Variants in ERLIN2 observed in about 807,000 individuals in gnomAD.
The protein encoded by ERLIN2 is erlin-2.
In ERLIN2, 22 loss-of-function variants were observed where a neutral mutation model predicts 41.5. That is an observed-to-expected ratio of 0.53 (90% CI 0.38 to 0.76). ERLIN2 has a LOEUF of 0.76. ERLIN2 is among the 30% of genes least tolerant of loss of function. ERLIN2 has a pLI of 0.00. For missense variants in ERLIN2, 247 were observed against 414.3 expected (o/e 0.60, Z 3.51); for synonymous variants, 149 against 150.9 (o/e 0.99, Z 0.09).
intron 6 of ERLIN2, among the ~76,000 whole-genome samples, chr8:37,748,195 T>C (rs1046301151): frequency 6.6e-6 from 1 of 152,266 alleles, no homozygotes; most frequent in Non-Finnish European, 1.5e-5. Flanking sequence ...CTTTCACATT[T>C]TTCCGGTAAG....
chr8:37,750,222 G>A (rs1353267423), intron 8 of ERLIN2, 173 bp from the exon 9 acceptor site: 7 of 658,848 alleles, frequency 1.1e-5, no homozygotes, highest in Admixed American at 2.4e-5. Context: ...GGGAGGAGAA[G>A]AGCTATGTTA....
chr8:37,737,647 CG>C (rs1802698038), intron 1 of ERLIN2: 6 of 475,132 alleles, frequency 1.3e-5, no homozygotes, highest in Non-Finnish European at 2.3e-5. Context: ...CCAGCTGGCA[CG>C]GGTTCTCCCT....
chr8:37,750,157 G>T, intron 8 of ERLIN2: 1 of 620,504 alleles, frequency 1.6e-6, no homozygotes, highest in Non-Finnish European at 2.9e-6. Context: ...CCAGTAAGTG[G>T]ACAGGCAGGT....
chr8:37,752,859 C>A (rs756151399), intron 10 of ERLIN2, among the ~76,000 whole-genome samples: 1 of 152,190 alleles, frequency 6.6e-6, no homozygotes, highest in Non-Finnish European at 1.5e-5. Context: ...CTCAGAATCG[C>A]GCCAGCTTAA....
intron 4 of ERLIN2, among the ~76,000 whole-genome samples, chr8:37,742,932 A>C (rs1802904805): frequency 6.6e-6 from 1 of 152,218 alleles, no homozygotes. Context: ...ACTAAAGAGA[A>C]TGTCATAAAG....
intron 8 of ERLIN2, 158 bp from the exon 9 acceptor site, chr8:37,750,237 C>T: frequency 1.5e-6 from 1 of 687,948 alleles, no homozygotes; most frequent in East Asian, 2.7e-5. Context: ...ATGTTACTGT[C>T]AACAACAGAT....
intron 2 of ERLIN2, among the ~76,000 whole-genome samples, chr8:37,738,627 C>T (rs1196263001): frequency 6.6e-6 from 1 of 152,114 alleles, no homozygotes; most frequent in Non-Finnish European, 1.5e-5. Context: ...GTCACACACA[C>T]GTAGTCCTAG....
At position 37,756,375 on chromosome 8, in the gene ERLIN2, T is replaced by G. The variant is rs1256970047; in HGVS notation, c.*2260T>G. The G allele has an allele frequency of 6.6e-6, 1 of 152,346 alleles. No homozygotes were observed. The highest frequency in any genetic ancestry group is 2.4e-5 in the African/African-American group (1 of 41,424). The allele number at this position is 152,346 out of a possible 1,614,324, so 9.4% of individuals were successfully genotyped here. ...TTGCCTAGACCTCAGAAAACACCAA[T>G]TCACCACAGTAGAACCGGGAGCAGG... On this transcript the variant is annotated 3_prime_UTR_variant, in exon 12 of 12. Transcript: ENST00000519638.
Position 37,736,979 on chromosome 8 carries a change from C to G in ERLIN2, c.-16+301C>G, listed in dbSNP as rs370322371. On this transcript the variant is annotated intron_variant, in intron 1 of 11. Coordinates refer to ENST00000519638, the MANE Select transcript of ERLIN2 (RefSeq NM_007175.8). ...AGGGCACTGGCAGGAAAGGACGCAA[C>G]TGCAGATCGGTAGCCGGAGGCCGCC... 5.6e-5 allele frequency: 55 copies of G among 985,954 alleles called. No homozygotes were observed. In the African/African-American group the frequency reaches 8.9e-4, roughly 16 times the overall value. 61.1% of individuals were successfully genotyped at this position (985,954 alleles called of 1,614,324 possible).
At chr8:37,751,522 C>A in intron 9 of ERLIN2, 104 bp from the exon 10 acceptor site, 2 of 904,130 alleles carry the variant, frequency 2.2e-6, no homozygotes, top group Middle Eastern at 2.2e-4. Flanking sequence ...CCTCTGGGGG[C>A]TCTCCAGACA....
intron 9 of ERLIN2, among the ~76,000 whole-genome samples, chr8:37,750,805 C>T (rs1340195154): frequency 6.6e-6 from 1 of 152,090 alleles, no homozygotes; most frequent in African/African-American, 2.4e-5. Context: ...CTTACTGCAG[C>T]CTCTGCCTCA....
chr8:37,748,926 CAAAG>C (rs1393042334), intron 6 of ERLIN2, among the ~76,000 whole-genome samples: 1 of 152,142 alleles, frequency 6.6e-6, no homozygotes, highest in Non-Finnish European at 1.5e-5. Flanking sequence ...GGATTCCAGA[CAAAG>C]AAATCAGGAC....
Position 37,747,482 on chromosome 8 carries a change from C to A in ERLIN2, c.425-2077C>A, listed in dbSNP as rs530903533. The A allele has an allele frequency of 5.2e-5, 84 of 1,612,184 alleles. No individual in the cohort carries two copies. The African/African-American group carries it at 1.0e-3, about 20-fold the overall frequency. On this transcript the variant is annotated intron_variant, in intron 6 of 11. Transcript: ENST00000519638. ...TTGGCATTCTGTGCATACGAGTCAG[C>A]AACTTCCCTAGCCTCAATCTCCTCT...
rs1169550964 is a variant in ERLIN2, at chr8:37,741,833, A to G, written c.236+15A>G. 7 of 1,607,506 alleles carry G rather than the reference A, an allele frequency of 4.4e-6. No homozygotes were observed. Among genetic ancestry groups the G allele is most frequent in the Non-Finnish European group, 6.0e-6 (7 of 1,174,064 alleles). On this transcript the variant is annotated intron_variant, in intron 4 of 11. Transcript: ENST00000519638. This position sits in a 1 kb window ranked among gnomAD's most constrained non-coding sequence, Gnocchi z 4.8. ...TGTGGGACTAGGTAAGGTACCCAGA[A>G]TAAAGCTTTTAAGCCCAAATAAGTC...
chr8:37,753,813 G>A (rs1803289043), intron 11 of ERLIN2, 102 bp from the exon 12 acceptor site: 1 of 997,348 alleles, frequency 1.0e-6, no homozygotes, highest in Admixed American at 1.9e-5. Flanking sequence ...ACCACAAAAA[G>A]TAGGTAGGGG....
At chr8:37,748,043 G>A in intron 6 of ERLIN2, 1 of 1,560,410 alleles carries the variant, frequency 6.4e-7, no homozygotes, top group East Asian at 2.2e-5. Flanking sequence ...ACGCAAAGAA[G>A]AGGGTCGCGC....
chr8:37,738,993 A>G (rs1379602588), intron 2 of ERLIN2, among the ~76,000 whole-genome samples: 1 of 152,222 alleles, frequency 6.6e-6, no homozygotes, highest in Non-Finnish European at 1.5e-5. Flanking sequence ...AAAGGAACCC[A>G]TTATGTCACT....
intron 2 of ERLIN2, among the ~76,000 whole-genome samples, chr8:37,739,663 C>T (rs1405285548): frequency 1.3e-5 from 2 of 151,896 alleles, no homozygotes; most frequent in Non-Finnish European, 2.9e-5. Flanking sequence ...TTAGTAGAGA[C>T]GAGGTTTCAC....
intron 10 of ERLIN2, among the ~76,000 whole-genome samples, chr8:37,751,955 T>C (rs1203204206): frequency 1.3e-5 from 2 of 152,186 alleles, no homozygotes; most frequent in Non-Finnish European, 2.9e-5. Context: ...TGCCAGTATG[T>C]GCCCAGGATT....
Sources: gnomAD v4.1 joint callset for allele counts (sites outside exome capture counted in the v4.1 genomes callset) on GRCh38, gnomAD v4.1.1 for gene constraint, Gnocchi (gnomAD v3.1) non-coding constraint, MANE v1.5 for transcripts, NCBI Gene and HGNC (gene_info 2026-07-23, HGNC 2026-07-21) for gene names.